Variants in C16orf46 observed in about 807,000 individuals in gnomAD.
C16orf46 encodes chromosome 16 open reading frame 46.
A neutral mutation model predicts 5.5 loss-of-function variants in C16orf46; 7 were observed. The ratio of observed to expected loss-of-function variants is 1.28; its 90% CI spans 0.73 to 2.40. The LOEUF (loss-of-function observed/expected upper bound fraction) is 2.40. C16orf46 is among the 30% of genes most tolerant of loss of function. C16orf46 has a pLI of 0.00. For missense variants in C16orf46, 614 were observed against 476.0 expected, an observed-to-expected ratio of 1.29 and a Z score of -2.70; for synonymous variants, 200 against 184.1, an observed-to-expected ratio of 1.09 and a Z score of -0.70.
At position 81,077,193 on chromosome 16, in the gene C16orf46, A is replaced by C. The variant is rs1284680908; in HGVS notation, c.-185T>G. The C allele has an allele frequency of 6.6e-6, 1 of 152,382 alleles. No homozygotes were observed. Among genetic ancestry groups the C allele is most frequent in the African/African-American group, 2.4e-5 (1 of 41,572 alleles). 9.4% of individuals were successfully genotyped at this position (152,382 alleles called of 1,614,324 possible). On this transcript the variant is annotated 5_prime_UTR_variant, in exon 1 of 4. Coordinates refer to ENST00000299578, the MANE Select transcript of C16orf46 (RefSeq NM_152337.3). ...CAGCTAGTCCCGGCCTACTGGCAAG[A>C]GCTACTCAGGTCGCTGCCGGATGGG...
chr16:81,061,009 A>C lies in C16orf46; in HGVS notation c.*152T>G. ...GTTCAGTTTTCTTCAGTTGTACTACAAAAAAAAAATGGAGGAAAAGAAGAG... is the reference window on the plus strand; with the variant it reads ...GTTCAGTTTTCTTCAGTTGTACTACCAAAAAAAAATGGAGGAAAAGAAGAG... On this transcript the variant is annotated 3_prime_UTR_variant, in exon 4 of 4. Transcript: ENST00000299578. 1 of 961,294 alleles carries C rather than the reference A, an allele frequency of 1.0e-6. No individual in the cohort carries two copies. The highest frequency in any genetic ancestry group is 1.3e-6 in the Non-Finnish European group (1 of 746,834). 59.5% of individuals were successfully genotyped at this position (961,294 alleles called of 1,614,324 possible).
At chr16:81,074,145 C>T (rs1211013631) in intron 1 of C16orf46, among the ~76,000 whole-genome samples, 1 of 152,124 alleles carries the variant, frequency 6.6e-6, no homozygotes, top group Non-Finnish European at 1.5e-5. Flanking sequence ...TTCTCAAATG[C>T]AAATCTGAAA....
At chr16:81,057,538 CAAA>C (rs11289785), downstream of C16orf46, among the ~76,000 whole-genome samples, 21 of 112,290 alleles carry the variant, frequency 1.9e-4, no homozygotes, top group Non-Finnish European at 1.3e-4. Flanking sequence ...GACTCTGTCT[CAAA>C]AAAAAAAAAA....
downstream of C16orf46, chr16:81,060,573 G>A (rs1263415632): frequency 6.5e-6 from 1 of 152,960 alleles, no homozygotes; most frequent in East Asian, 1.9e-4. Flanking sequence ...GCCTCCCAAA[G>A]TGCTGAGATT....
Position 81,061,723 on chromosome 16 carries a change from A to G in C16orf46, c.626T>C (p.Leu209Pro). 6.2e-7 allele frequency: 1 copy of G among 1,614,028 alleles called. No individual in the cohort carries two copies. The highest frequency in any genetic ancestry group is 2.2e-5 in the East Asian group (1 of 44,884). The change falls in exon 4 of 4, where the codon CTA (leucine) becomes CCA (proline). Residue 209 changes from leucine (L) to proline (P), a missense_variant. By Grantham distance (98) the Leu-to-Pro change is moderately conservative (BLOSUM62 -3). Coordinates refer to ENST00000299578, the MANE Select transcript of C16orf46 (RefSeq NM_152337.3). ...IPGPLTSRAL[L>P]VLPPLKASLS... ...TGAAGCCTTCAGGGGAGGCAGAACT[A>G]GGAGGGCCCTGGAAGTCAGGGGGCC...
chr16:81,073,662 C>G (rs147223928), intron 1 of C16orf46, among the ~76,000 whole-genome samples: 1 of 152,266 alleles, frequency 6.6e-6, no homozygotes, highest in African/African-American at 2.4e-5. Context: ...TCTTCTAAAA[C>G]AAACTTGTCT....
At chr16:81,067,226 T>C (rs1003858921) in intron 1 of C16orf46, among the ~76,000 whole-genome samples, 1 of 152,120 alleles carries the variant, frequency 6.6e-6, no homozygotes, top group Non-Finnish European at 1.5e-5. Flanking sequence ...AAAAAGGAAA[T>C]GATCAGCCAA....
At chr16:81,072,850 C>T (rs188704121) in intron 1 of C16orf46, among the ~76,000 whole-genome samples, 127 of 152,044 alleles carry the variant, frequency 8.4e-4, no homozygotes, top group African/African-American at 2.6e-3. Context: ...TACAGGCGTG[C>T]GCCACCATGC....
intron 1 of C16orf46, among the ~76,000 whole-genome samples, chr16:81,068,333 A>G (rs1235642640): frequency 2.6e-5 from 4 of 152,226 alleles, no homozygotes; most frequent in African/African-American, 7.2e-5. Context: ...TGTGTTGTAT[A>G]AAAGTTAAAA....
chr16:81,074,208 A>G (rs1249240930), intron 1 of C16orf46, among the ~76,000 whole-genome samples: 1 of 152,172 alleles, frequency 6.6e-6, no homozygotes. Flanking sequence ...GTTCCTCATC[A>G]TCTTAAGAAT....
downstream of C16orf46, chr16:81,060,627 G>A (rs1337056921): frequency 6.5e-6 from 1 of 153,682 alleles, no homozygotes; most frequent in Non-Finnish European, 1.4e-5. Flanking sequence ...TTTTATTAAA[G>A]CAATTCTTCA....
At chr16:81,075,069 C>T (rs1971983557) in intron 1 of C16orf46, among the ~76,000 whole-genome samples, 1 of 152,134 alleles carries the variant, frequency 6.6e-6, no homozygotes, top group Non-Finnish European at 1.5e-5. Context: ...CTCTGGGTAT[C>T]CCTTTCACTT....
At chr16:81,072,326 T>C (rs1316561010) in intron 1 of C16orf46, 4 of 23,764 alleles carry the variant, frequency 1.7e-4, no homozygotes, top group Admixed American at 7.8e-4. Context: ...TTATACCTGA[T>C]GCAAAAAAAA....
chr16:81,076,054 T>C (rs961607863), intron 1 of C16orf46, among the ~76,000 whole-genome samples: 3 of 152,178 alleles, frequency 2.0e-5, no homozygotes, highest in Non-Finnish European at 2.9e-5. Flanking sequence ...GCAGCCTCAT[T>C]TGGAATTTGA....
exon 4 of C16orf46, chr16:81,053,969 G>T: frequency 7.9e-7 from 1 of 1,260,888 alleles, no homozygotes; most frequent in Non-Finnish European, 1.2e-6. Context: ...TCTGCTTTCT[G>T]GTGATCCGCC....
intron 1 of C16orf46, among the ~76,000 whole-genome samples, chr16:81,068,238 A>C (rs1971714278): frequency 6.6e-6 from 1 of 152,226 alleles, no homozygotes; most frequent in African/African-American, 2.4e-5. Context: ...TTGCTCCTGA[A>C]ATGAACAAAG....
chr16:81,059,220 C>A (rs1416590892), downstream of C16orf46, among the ~76,000 whole-genome samples: 2 of 146,706 alleles, frequency 1.4e-5, no homozygotes, highest in East Asian at 4.1e-4. Context: ...ACTTGGGAGG[C>A]TGGGGCATGA....
chr16:81,066,776 CA>C (rs1971667779), intron 1 of C16orf46, among the ~76,000 whole-genome samples: 1 of 152,166 alleles, frequency 6.6e-6, no homozygotes, highest in Admixed American at 6.5e-5. Flanking sequence ...TTGAACTTTA[CA>C]ACCTGATTCA....
chr16:81,062,879 CT>C (rs35694573), intron 3 of C16orf46, among the ~76,000 whole-genome samples: 11,413 of 138,304 alleles, frequency 0.083, 475 homozygotes, highest in East Asian at 0.2. Flanking sequence ...TAGTTTTATG[CT>C]TTTTTTTTTT....
Sources: gnomAD v4.1 joint callset for allele counts (sites outside exome capture counted in the v4.1 genomes callset) on GRCh38, gnomAD v4.1.1 for gene constraint, MANE v1.5 for transcripts, NCBI Gene and HGNC (gene_info 2026-07-23, HGNC 2026-07-21) for gene names.